The following GRIK4 variants were observed in gnomAD, a reference collection of about 807,000 sequenced individuals.
GRIK4 encodes the protein glutamate receptor ionotropic, kainate 4.
In GRIK4, 40 loss-of-function variants were observed where a neutral mutation model predicts 104.9. That is an observed-to-expected ratio of 0.38 (90% CI 0.30 to 0.50). The LOEUF (loss-of-function observed/expected upper bound fraction) is 0.50. Among genes scored for constraint, GRIK4 ranks in the 20% least tolerant of loss-of-function variants. The pLI is 0.93. For missense variants in GRIK4, 1,047 were observed against 1,308.1 expected (o/e 0.80, Z 3.08); for synonymous variants, 485 against 524.9 (o/e 0.92, Z 1.04).
chr11:120,610,079 C>T (rs1201741384), intron 1 of GRIK4, among the ~76,000 whole-genome samples: 1 of 152,158 alleles, frequency 6.6e-6, no homozygotes, highest in Non-Finnish European at 1.5e-5. Flanking sequence ...TCTGCCTTCT[C>T]CTGTCTCTCG....
intron 3 of GRIK4, among the ~76,000 whole-genome samples, chr11:120,729,011 C>T (rs866004729): frequency 3.3e-5 from 5 of 152,248 alleles, no homozygotes; most frequent in Middle Eastern, 3.4e-3. Flanking sequence ...TGAGAACATG[C>T]GAAGTTTGTC....
intron 19 of GRIK4, among the ~76,000 whole-genome samples, chr11:120,971,500 A>G (rs1421657019): frequency 6.6e-6 from 1 of 152,234 alleles, no homozygotes; most frequent in East Asian, 1.9e-4. Flanking sequence ...TGCAATGGAA[A>G]GTATTCATGT....
intron 1 of GRIK4, among the ~76,000 whole-genome samples, chr11:120,528,527 T>C (rs1947887005): frequency 6.6e-6 from 1 of 152,206 alleles, no homozygotes; most frequent in African/African-American, 2.4e-5. Context: ...TGAGCCTGTC[T>C]TAGGGAACCC....
At chr11:120,694,207 C>T (rs547089828) in intron 3 of GRIK4, among the ~76,000 whole-genome samples, 3 of 152,234 alleles carry the variant, frequency 2.0e-5, no homozygotes, top group East Asian at 1.9e-4. Flanking sequence ...ACAGAAAGCA[C>T]GAGAGCAGAT....
intron 3 of GRIK4, among the ~76,000 whole-genome samples, chr11:120,799,102 A>G (rs543967581): frequency 6.6e-6 from 1 of 152,304 alleles, no homozygotes; most frequent in South Asian, 2.1e-4. Context: ...AACATGAACA[A>G]CTACATCAAA....
At chr11:120,659,696 T>TGC (rs1949778647) in intron 2 of GRIK4, among the ~76,000 whole-genome samples, 1 of 152,206 alleles carries the variant, frequency 6.6e-6, no homozygotes, top group Admixed American at 6.5e-5. Context: ...CTTCCTCTTC[T>TGC]GCTCACCCAT....
At chr11:120,640,407 A>G (rs901059572) in intron 1 of GRIK4, among the ~76,000 whole-genome samples, 3 of 152,214 alleles carry the variant, frequency 2.0e-5, no homozygotes, top group African/African-American at 7.2e-5. Context: ...CTTGATTTCA[A>G]GGTGGAAAGA....
intron 1 of GRIK4, among the ~76,000 whole-genome samples, chr11:120,582,133 A>G (rs1030753246): frequency 2.0e-5 from 3 of 152,046 alleles, no homozygotes; most frequent in Non-Finnish European, 2.9e-5. Flanking sequence ...CACACTAAGA[A>G]TAGTTTGTAG....
At chr11:120,961,177 C>A in intron 17 of GRIK4, 103 bp downstream of exon 17, 1 of 1,072,172 alleles carries the variant, frequency 9.3e-7, no homozygotes, top group Non-Finnish European at 1.4e-6. Context: ...CTCATTATCT[C>A]TTTTGAACAT....
At chr11:120,832,153 C>A in intron 7 of GRIK4, 123 bp downstream of exon 7, 1 of 589,012 alleles carries the variant, frequency 1.7e-6, no homozygotes, top group South Asian at 2.6e-5. Context: ...TTACAAACCT[C>A]TCTCTGTGCT....
intron 13 of GRIK4, among the ~76,000 whole-genome samples, chr11:120,933,460 G>C (rs1943523437): frequency 6.6e-6 from 1 of 152,146 alleles, no homozygotes; most frequent in Non-Finnish European, 1.5e-5. Context: ...ACAATTGTAG[G>C]AGCTAGGTAC....
At chr11:120,869,993 T>C (rs1954555717) in intron 9 of GRIK4, 1 of 152,318 alleles carries the variant, frequency 6.6e-6, no homozygotes, top group African/African-American at 2.4e-5. Context: ...ATGCTCAGGC[T>C]GGAGCTGGGC....
chr11:120,986,245 C>T lies in GRIK4; in HGVS notation c.2856C>T (p.Ser952=), dbSNP rs777403865. ...TGGAGTGGGAGAAAACCACCAACAG[C>T]AGCGAGCCCGAGTAGTCCCGGAGGC... ...ESLEWEKTTN[S]SEPE Residue 952 remains serine (S), a synonymous_variant, in exon 21 of 21, where the codon AGC becomes AGT. Transcript: ENST00000527524. 1.3e-6 allele frequency: 2 copies of T among 1,567,960 alleles called. No individual in the cohort carries two copies. Among genetic ancestry groups the T allele is most frequent in the Non-Finnish European group, 1.7e-6 (2 of 1,166,786 alleles).
At chr11:120,920,314 C>T (rs748629660) in intron 13 of GRIK4, among the ~76,000 whole-genome samples, 19 of 152,188 alleles carry the variant, frequency 1.2e-4, no homozygotes, top group African/African-American at 2.9e-4. Flanking sequence ...TCCCTCCCCA[C>T]GTAGGGCTGT....
At chr11:120,624,794 C>T (rs968992256) in intron 1 of GRIK4, among the ~76,000 whole-genome samples, 1 of 152,172 alleles carries the variant, frequency 6.6e-6, no homozygotes, top group African/African-American at 2.4e-5. Context: ...TTCAGCTTCT[C>T]TCCCTGCCTG....
chr11:120,805,278 C>T (rs1158566049), intron 4 of GRIK4, among the ~76,000 whole-genome samples: 1 of 152,142 alleles, frequency 6.6e-6, no homozygotes, highest in Non-Finnish European at 1.5e-5. Context: ...GTTCAGTAGT[C>T]CATACTTTGA....
intron 3 of GRIK4, among the ~76,000 whole-genome samples, chr11:120,677,241 T>A (rs932777649): frequency 3.9e-5 from 6 of 152,190 alleles, no homozygotes; most frequent in African/African-American, 1.2e-4. Context: ...AGGAGTAGCC[T>A]GAGAGCTGAG....
At position 120,832,021 on chromosome 11, in the gene GRIK4, C is replaced by A. The variant is rs770114291; in HGVS notation, c.681C>A (p.Ile227=). 36 of 1,610,432 alleles carry A rather than the reference C, an allele frequency of 2.2e-5. No individual in the cohort carries two copies. Among genetic ancestry groups the A allele is most frequent in the South Asian group, 2.0e-4 (18 of 90,816 alleles). The change falls in exon 7 of 21, where the codon ATC becomes ATA. Residue 227 remains isoleucine, a synonymous_variant. Coordinates refer to ENST00000527524, the MANE Select transcript of GRIK4 (RefSeq NM_014619.5). ...CCAACGCCTCCATGTCCCACACCAT[C>A]CTCCTGAAGGTGGGAGCCTCCCTCT... The part of the protein sequence containing the change: ...IHANASMSHT[I]LLKAAELGMV...
chr11:120,631,105 C>G (rs1372359142), intron 1 of GRIK4, among the ~76,000 whole-genome samples: 1 of 152,224 alleles, frequency 6.6e-6, no homozygotes, highest in Non-Finnish European at 1.5e-5. Context: ...TGAGAATGAA[C>G]AGAGATGCAC....
Sources: allele counts gnomAD v4.1 joint callset (sites outside exome capture counted in the v4.1 genomes callset), GRCh38; gene constraint gnomAD v4.1.1; transcripts MANE v1.5; gene names NCBI Gene and HGNC (gene_info 2026-07-23, HGNC 2026-07-21).